Variants in TTC3 observed in about 807,000 individuals in gnomAD.
The protein encoded by TTC3 is E3 ubiquitin-protein ligase TTC3.
TTC3 carries 180 observed loss-of-function variants against 249.6 expected under a neutral mutation model. That is an observed-to-expected ratio of 0.72 (90% confidence interval 0.64 to 0.82). The LOEUF is 0.82. TTC3 is among the 40% of genes least tolerant of loss of function. The probability of loss-of-function intolerance (pLI) is 0.00; values close to 1 mark genes in which losing one functional copy is unlikely to be tolerated. For synonymous variants in TTC3, 717 were observed against 805.0 expected (o/e 0.89, Z 1.85); for missense variants, 2,061 against 2,398.4 (o/e 0.86, Z 2.94).
intron 10 of TTC3, among the ~76,000 whole-genome samples, chr21:37,097,484 A>G (rs2074053974): frequency 6.6e-6 from 1 of 152,208 alleles, no homozygotes; most frequent in African/African-American, 2.4e-5. Flanking sequence ...ACATAGGCAT[A>G]AGGTCCTGCA....
chr21:37,173,724 T>C (rs1415501155), intron 35 of TTC3, among the ~76,000 whole-genome samples: 2 of 152,184 alleles, frequency 1.3e-5, no homozygotes, highest in Non-Finnish European at 2.9e-5. Context: ...AGTAGAAATC[T>C]TAGGGTCAGT....
At chr21:37,110,727 A>T (rs1486634381) in intron 11 of TTC3, among the ~76,000 whole-genome samples, 1 of 152,214 alleles carries the variant, frequency 6.6e-6, no homozygotes, top group Non-Finnish European at 1.5e-5. Context: ...ACTCCTTGAG[A>T]AGAGCAACTC....
At chr21:37,107,112 T>C (rs1207277551) in intron 10 of TTC3, among the ~76,000 whole-genome samples, 4 of 150,530 alleles carry the variant, frequency 2.7e-5, no homozygotes, top group African/African-American at 9.8e-5. Context: ...TTTTAGTAGG[T>C]ATTGATATCT....
At chr21:37,198,909 TC>T (rs2085207084) in intron 44 of TTC3, among the ~76,000 whole-genome samples, 1 of 152,190 alleles carries the variant, frequency 6.6e-6, no homozygotes, top group Admixed American at 6.5e-5. Flanking sequence ...ACTGTGCCCA[TC>T]TTTTCTAGGA....
At chr21:37,180,774 T>G (rs1323762843) in intron 35 of TTC3, among the ~76,000 whole-genome samples, 1 of 150,982 alleles carries the variant, frequency 6.6e-6, no homozygotes, top group Non-Finnish European at 1.5e-5. Flanking sequence ...AAAAAATGGC[T>G]TTATAAGGAG....
intron 20 of TTC3, among the ~76,000 whole-genome samples, chr21:37,142,455 T>C (rs1344630928): frequency 2.0e-5 from 3 of 152,020 alleles, no homozygotes; most frequent in African/African-American, 7.3e-5. Context: ...TATACACCAG[T>C]AACAGACAAA....
chr21:37,106,319 CA>C (rs2075072527), intron 10 of TTC3, among the ~76,000 whole-genome samples: 1 of 152,100 alleles, frequency 6.6e-6, no homozygotes, highest in Non-Finnish European at 1.5e-5. Context: ...AGTCATTGGT[CA>C]GATATATGTA....
intron 1 of TTC3, among the ~76,000 whole-genome samples, chr21:37,077,683 A>G (rs2071087789): frequency 6.6e-6 from 1 of 152,190 alleles, no homozygotes; most frequent in Non-Finnish European, 1.5e-5. Context: ...TTTTGTTATT[A>G]ATGAGATTGA....
intron 10 of TTC3, chr21:37,100,964 T>C (rs2074430741): frequency 6.6e-6 from 1 of 152,246 alleles, no homozygotes; most frequent in Non-Finnish European, 1.5e-5. Context: ...TTCCAACAGC[T>C]TATGTAATGT....
At chr21:37,150,293 C>A (rs2079345273) in intron 24 of TTC3, 123 bp downstream of exon 24, 1 of 714,712 alleles carries the variant, frequency 1.4e-6, no homozygotes, top group East Asian at 2.7e-5. Context: ...ACAATTACTT[C>A]ATTTAAGAAA....
chr21:37,200,504 G>C (rs1448819599), intron 45 of TTC3, among the ~76,000 whole-genome samples, 180 bp downstream of exon 45: 3 of 152,236 alleles, frequency 2.0e-5, no homozygotes, highest in African/African-American at 7.2e-5. Flanking sequence ...TGCAGGAAGG[G>C]CAGCTCTGGA....
At chr21:37,166,388 G>T in exon 33 of TTC3, 1 of 1,614,190 alleles carries the variant, frequency 6.2e-7, no homozygotes, top group Non-Finnish European at 8.5e-7. Flanking sequence ...TCATTTGAAT[G>T]CTGAGAATGT....
chr21:37,179,225 T>A (rs1339154002), intron 35 of TTC3, among the ~76,000 whole-genome samples: 2 of 152,086 alleles, frequency 1.3e-5, no homozygotes, highest in Non-Finnish European at 2.9e-5. Flanking sequence ...AAGTTGAGGC[T>A]GCAATGAGCC....
At chr21:37,150,277 A>G in intron 24 of TTC3, 107 bp downstream of exon 24, 1 of 802,470 alleles carries the variant, frequency 1.2e-6, no homozygotes, top group South Asian at 1.6e-5. Context: ...CTTTTCCAGG[A>G]AAGAAACAAT....
intron 11 of TTC3, among the ~76,000 whole-genome samples, chr21:37,112,992 C>T (rs533199811): frequency 1.1e-4 from 17 of 152,264 alleles, no homozygotes; most frequent in East Asian, 7.7e-4. Context: ...AATTCAACAA[C>T]GCTTCATGCT....
At chr21:37,149,504 C>CT (rs929711884) in intron 23 of TTC3, among the ~76,000 whole-genome samples, 6 of 152,322 alleles carry the variant, frequency 3.9e-5, no homozygotes, top group Admixed American at 1.3e-4. Context: ...GATATACCCT[C>CT]TTTTAGTGGT....
chr21:37,103,578 C>A (rs1171143906), intron 10 of TTC3, among the ~76,000 whole-genome samples: 1 of 152,082 alleles, frequency 6.6e-6, no homozygotes, highest in Non-Finnish European at 1.5e-5. Flanking sequence ...ATATTAATTG[C>A]ATTCATATAC....
intron 15 of TTC3, 80 bp downstream of exon 15, chr21:37,126,223 C>G (rs1208378855): frequency 5.5e-6 from 7 of 1,270,012 alleles, no homozygotes; most frequent in African/African-American, 1.5e-5. Context: ...TGTGCACAAG[C>G]CTTGCTTATA....
chr21:37,153,536 T>C (rs1211176234), intron 27 of TTC3, among the ~76,000 whole-genome samples: 1 of 152,030 alleles, frequency 6.6e-6, no homozygotes, highest in East Asian at 1.9e-4. Context: ...AAGAACTAAA[T>C]ATATGAAGGC....
Sources: allele counts gnomAD v4.1 joint callset (sites outside exome capture counted in the v4.1 genomes callset), GRCh38; gene constraint gnomAD v4.1.1; transcripts MANE v1.5; gene names NCBI Gene and HGNC (gene_info 2026-07-23, HGNC 2026-07-21).